The following NUP98 variants were observed in gnomAD, a reference collection of about 807,000 sequenced individuals.
NUP98 encodes the protein nucleoporin 98 and 96 precursor.
In NUP98, 26 loss-of-function variants were observed where a neutral mutation model predicts 191.9. That is an observed-to-expected ratio of 0.14 (90% confidence interval 0.10 to 0.19). NUP98 has a LOEUF of 0.19. Among genes scored for constraint, NUP98 ranks in the 10% least tolerant of loss-of-function variants. NUP98 has a pLI of 1.00. For synonymous variants in NUP98, 808 were observed against 778.4 expected (o/e 1.04, Z -0.63); for missense variants, 1,941 against 2,178.8 (o/e 0.89, Z 2.17).
rs535567303 is a variant in NUP98, at chr11:3,704,126, A to G, written c.3082+1074T>C. On this transcript the variant is annotated intron_variant, in intron 22 of 32. Transcript: ENST00000324932. ...AAAGGTTATTAAGAATGTTTAACTGATACTTTTTTGGTTAATATATTTTCT... is the reference window on the plus strand; with the variant it reads ...AAAGGTTATTAAGAATGTTTAACTGGTACTTTTTTGGTTAATATATTTTCT... Among the ~76,000 whole-genome samples, 12 of 152,362 alleles carry G rather than the reference A, an allele frequency of 7.9e-5. No individual in the cohort carries two copies. In the South Asian group the frequency reaches 2.5e-3, roughly 32 times the overall value.
intron 14 of NUP98, among the ~76,000 whole-genome samples, chr11:3,730,175 C>T (rs1336254816): frequency 2.6e-5 from 4 of 151,832 alleles, no homozygotes; most frequent in Non-Finnish European, 5.9e-5. Flanking sequence ...ATGGAGGTTG[C>T]AGTGAGCCGA....
At chr11:3,711,666 G>C (rs1205965170) in intron 20 of NUP98, 4 of 204,978 alleles carry the variant, frequency 2.0e-5, no homozygotes, top group Non-Finnish European at 3.7e-5. Flanking sequence ...TGGATAACTG[G>C]AAAACCAAGT....
chr11:3,793,438 T>C (rs926904711), intron 1 of NUP98, among the ~76,000 whole-genome samples: 12 of 151,868 alleles, frequency 7.9e-5, no homozygotes, highest in Middle Eastern at 3.4e-3. Flanking sequence ...CAGGTGCGTG[T>C]CACTGTGCCC....
At chr11:3,780,953 ACCTGTCATC>A in intron 2 of NUP98, among the ~76,000 whole-genome samples, 1 of 150,852 alleles carries the variant, frequency 6.6e-6, no homozygotes, top group South Asian at 2.1e-4. Flanking sequence ...GGTGCCATAC[ACCTGTCATC>A]CCAGCTACTC....
intron 15 of NUP98, 107 bp from the exon 16 acceptor site, chr11:3,723,562 G>C: frequency 2.4e-6 from 2 of 843,508 alleles, no homozygotes; most frequent in Non-Finnish European, 3.7e-6. Flanking sequence ...GTTCTGGATA[G>C]TTCCATGTAT....
chr11:3,765,399 C>G (rs117960504), intron 8 of NUP98, among the ~76,000 whole-genome samples: 3,726 of 152,282 alleles, frequency 0.024, 83 homozygotes, highest in Non-Finnish European at 0.039. Context: ...CCCAACTTAT[C>G]TATTTTTTCT....
In NUP98 at chr11:3,700,755, CTGATA is replaced by C. The variant is rs1291656157; in HGVS notation, c.3592_3596del (p.Tyr1198AspfsTer16). The stretch of plus-strand genomic sequence containing the variant: ...GTTTTAATTTGAGCTCCAGAGGTGT[CTGATA>C]TAATTTCATGTCTTCATCTGGCTTT... On this transcript the variant is annotated frameshift_variant, in exon 24 of 33. Transcript: ENST00000324932. LOFTEE classifies it high-confidence loss of function. 1 of 1,614,028 alleles carries C rather than the reference CTGATA, an allele frequency of 6.2e-7. No individual in the cohort carries two copies. The highest frequency in any genetic ancestry group is 8.5e-7 in the Non-Finnish European group (1 of 1,180,036).
intron 29 of NUP98, among the ~76,000 whole-genome samples, chr11:3,683,666 G>A (rs1589951997): frequency 1.3e-5 from 2 of 151,904 alleles, no homozygotes; most frequent in Non-Finnish European, 1.5e-5. Context: ...AGCCTCACAA[G>A]TAGCTGGGAT....
At chr11:3,696,052 G>A (rs888025749) in intron 25 of NUP98, among the ~76,000 whole-genome samples, 12 of 151,986 alleles carry the variant, frequency 7.9e-5, no homozygotes, top group Admixed American at 3.3e-4. Context: ...ATCACCGGGC[G>A]TGCTGGTGCA....
chr11:3,723,388 A>G lies in NUP98; in HGVS notation c.1915T>C (p.Ser639Pro). ...QQDGDEDSLV[S>P]HFYTNPIAKP... Reference sequence around the variant, plus strand: ...GCAATAGGGTTAGTATAAAAATGTGAAACAAGGGAATCTTCATCTCCATCC... The same window carrying G: ...GCAATAGGGTTAGTATAAAAATGTGGAACAAGGGAATCTTCATCTCCATCC... Residue 639 changes from serine (S) to proline (P), a missense_variant, in exon 16 of 33, where the codon TCA becomes CCA. Ser to Pro is a moderately conservative substitution (Grantham distance 74, BLOSUM62 -1). Transcript: ENST00000324932. 6.2e-7 allele frequency: 1 copy of G among 1,614,146 alleles called. No individual in the cohort carries two copies. Among genetic ancestry groups the G allele is most frequent in the Non-Finnish European group, 8.5e-7 (1 of 1,180,006 alleles).
At position 3,677,954 on chromosome 11, in the gene NUP98, T is replaced by C. The variant is rs566137235; in HGVS notation, c.5074-1334A>G. 1.7e-4 allele frequency among the ~76,000 whole-genome samples: 25 copies of C among 148,976 alleles called. No individual in the cohort carries two copies. In the South Asian group the frequency reaches 4.9e-3, roughly 29 times the overall value. On this transcript the variant is annotated intron_variant, in intron 31 of 32. Coordinates refer to ENST00000324932, the MANE Select transcript of NUP98 (RefSeq NM_016320.5). ...GAGTTTGAGACCAGCCTGGCCAACATGGTGAAACCCCGTCTCTACTAAAAT... is the reference window on the plus strand; with the variant it reads ...GAGTTTGAGACCAGCCTGGCCAACACGGTGAAACCCCGTCTCTACTAAAAT...
intron 1 of NUP98, among the ~76,000 whole-genome samples, chr11:3,793,926 A>G (rs10835097): frequency 0.53 from 80,862 of 151,796 alleles, 22,189 homozygotes; most frequent in African/African-American, 0.66. Flanking sequence ...CCAAGATCAC[A>G]TCATTGCACT....
chr11:3,769,875 G>A (rs1209267433), intron 7 of NUP98, among the ~76,000 whole-genome samples: 1 of 151,496 alleles, frequency 6.6e-6, no homozygotes, highest in African/African-American at 2.4e-5. Flanking sequence ...AACCCCATCT[G>A]TACTAAAAAT....
In NUP98 at chr11:3,766,072, A is replaced by G. The variant is rs955603324; in HGVS notation, c.948+2509T>C. On this transcript the variant is annotated intron_variant, in intron 8 of 32. Transcript: ENST00000324932. ...ACACAATTACTATTGCTTTATAGTA[A>G]GTTTTAAAATTGAGAAGTAAAGCCA... 2.6e-5 allele frequency among the ~76,000 whole-genome samples: 4 copies of G among 152,094 alleles called. No homozygotes were observed. The South Asian group carries it at 8.3e-4, about 32-fold the overall frequency.
chr11:3,678,136 T>TAAAAA (rs76077592), intron 31 of NUP98, among the ~76,000 whole-genome samples: 2,043 of 103,288 alleles, frequency 0.02, 53 homozygotes, highest in African/African-American at 0.065. Flanking sequence ...AAACTCTGCC[T>TAAAAA]AAAAAAAAAA....
In NUP98 at chr11:3,700,728, G is replaced by C. The variant is rs768148131; in HGVS notation, c.3624C>G (p.His1208Gln). 3 of 1,614,066 alleles carry C rather than the reference G, an allele frequency of 1.9e-6. No individual in the cohort carries two copies. In the South Asian group the frequency reaches 3.3e-5, roughly 18 times the overall value. The change falls in exon 24 of 33, where the codon CAC becomes CAG. Residue 1208 changes from histidine (H) to glutamine (Q), a missense_variant. This residue lies in a region of NUP98 where 1,030 missense variants were observed against 1,115.8 expected (regional missense o/e 0.92). Transcript: ENST00000324932. Reference sequence around the variant, plus strand: ...ACAGTTCATCCACATGGACAGTGCTGTGTTTTAATTTGAGCTCCAGAGGTG... The same window carrying C: ...ACAGTTCATCCACATGGACAGTGCTCTGTTTTAATTTGAGCTCCAGAGGTG... ...YQTPLELKLK[H>Q]STVHVDELCP...
chr11:3,713,960 GT>G lies in NUP98; in HGVS notation c.2434del (p.Thr812GlnfsTer8). The G allele has an allele frequency of 6.2e-7, 1 of 1,613,996 alleles. No homozygotes were observed. The highest frequency in any genetic ancestry group is 8.5e-7 in the Non-Finnish European group (1 of 1,179,976). ...AEVTLDGVWP[T>X]DKTSRCLIKS... Reference sequence around the variant, plus strand: ...TATTAAACAACGAGATGTTTTATCTGTTGGCCAAACTCCATCCAATGTAACT... The same window carrying G: ...TATTAAACAACGAGATGTTTTATCTGTGGCCAAACTCCATCCAATGTAACT... On this transcript the variant is annotated frameshift_variant, in exon 19 of 33. Transcript: ENST00000324932. LOFTEE classifies it high-confidence loss of function.
chr11:3,694,374 A>C (rs2943420), intron 26 of NUP98, among the ~76,000 whole-genome samples: 34,948 of 151,434 alleles, frequency 0.23, 4,611 homozygotes, highest in African/African-American at 0.33. Flanking sequence ...CTATCTCAAA[A>C]AACAACAACA....
intron 12 of NUP98, among the ~76,000 whole-genome samples, chr11:3,736,098 GTT>G (rs71041387): frequency 0.12 from 17,998 of 147,862 alleles, 1,151 homozygotes; most frequent in East Asian, 0.25. Context: ...GTGTGTGTGT[GTT>G]TTGTTTTTTT....
Sources: allele counts gnomAD v4.1 joint callset (sites outside exome capture counted in the v4.1 genomes callset), GRCh38; gene constraint gnomAD v4.1.1; regional missense constraint gnomAD v4.1.1; transcripts MANE v1.5; gene names NCBI Gene and HGNC (gene_info 2026-07-23, HGNC 2026-07-21).